The following PIK3AP1 variants were observed in gnomAD, a reference collection of about 807,000 sequenced individuals.
The protein encoded by PIK3AP1 is phosphoinositide-3-kinase adaptor protein 1.
Under a neutral mutation model 88.1 loss-of-function variants are expected in PIK3AP1, and 21 were observed. The observed-to-expected ratio is 0.24, with a 90% CI of 0.17 to 0.34. The LOEUF is 0.34. Ranked by LOEUF, PIK3AP1 falls within the 10% of genes least tolerant of loss-of-function variation. PIK3AP1 has a pLI of 1.00. For missense variants in PIK3AP1, 828 were observed against 1,035.7 expected, an observed-to-expected ratio of 0.80 and a Z score of 2.75; for synonymous variants, 398 against 400.0, an observed-to-expected ratio of 1.00 and a Z score of 0.06.
At chr10:96,706,258 T>G (rs1261522800) in intron 2 of PIK3AP1, among the ~76,000 whole-genome samples, 1 of 152,204 alleles carries the variant, frequency 6.6e-6, no homozygotes, top group Non-Finnish European at 1.5e-5. Flanking sequence ...ACAAGTTTCA[T>G]GTACTTATTT....
At chr10:96,687,257 A>AC in intron 2 of PIK3AP1, among the ~76,000 whole-genome samples, 1 of 41,926 alleles carries the variant, frequency 2.4e-5, no homozygotes, top group South Asian at 8.9e-4. Flanking sequence ...CTCCATCTCA[A>AC]AAAAAAAAAA....
intron 8 of PIK3AP1, among the ~76,000 whole-genome samples, chr10:96,641,616 G>A (rs537781660): frequency 6.6e-6 from 1 of 152,290 alleles, no homozygotes; most frequent in Admixed American, 6.5e-5. Flanking sequence ...CCCTAGAAGG[G>A]CAGGCCAGGA....
intron 8 of PIK3AP1, among the ~76,000 whole-genome samples, chr10:96,635,070 T>C (rs147111005): frequency 7.9e-4 from 121 of 152,346 alleles, no homozygotes; most frequent in African/African-American, 2.6e-3. Flanking sequence ...TATATTGGGC[T>C]CACCAAGGTG....
At chr10:96,595,677 A>G in intron 16 of PIK3AP1, 43 bp from the exon 17 acceptor site, 1 of 1,591,056 alleles carries the variant, frequency 6.3e-7, no homozygotes, top group Non-Finnish European at 8.6e-7. Flanking sequence ...AACTAATTTG[A>G]TTAAACAGTT....
rs1296073219 is a variant in PIK3AP1 at position 96,597,267 on chromosome 10, TTTCTTTCC to T, written c.2361-1641_2361-1634del. Among the ~76,000 whole-genome samples the T allele has an allele frequency of 1.9e-3, 232 of 122,184 alleles. 1 individual carries two copies. Among genetic ancestry groups the T allele is most frequent in the African/African-American group, 3.7e-3 (121 of 32,278 alleles). 80.2% of individuals were successfully genotyped at this position (122,184 alleles called of 152,430 possible). ...TCTGCCTTCTTTTTTTCTTTCTTTC[TTTCTTTCC>T]TTCCTTCCTTCCTTCCTTCCTTCCT... On this transcript the variant is annotated intron_variant, in intron 16 of 16. Transcript: ENST00000339364.
chr10:96,653,839 T>A (rs1843578054), intron 3 of PIK3AP1, among the ~76,000 whole-genome samples: 1 of 152,244 alleles, frequency 6.6e-6, no homozygotes, highest in African/African-American at 2.4e-5. Flanking sequence ...TGCATTGTTT[T>A]TAATGAAATC....
intron 2 of PIK3AP1, among the ~76,000 whole-genome samples, chr10:96,702,652 G>C (rs1426066119): frequency 6.3e-5 from 9 of 142,890 alleles, no homozygotes; most frequent in Admixed American, 6.3e-4. Context: ...ACACACAATG[G>C]TAACTATGTG....
At chr10:96,714,365 G>A (rs923349233) in intron 1 of PIK3AP1, among the ~76,000 whole-genome samples, 4 of 152,180 alleles carry the variant, frequency 2.6e-5, no homozygotes, top group African/African-American at 7.2e-5. Flanking sequence ...ATTAAAACTC[G>A]TTGAAGATTT....
chr10:96,618,987 C>G (rs906377938), intron 12 of PIK3AP1, among the ~76,000 whole-genome samples: 3 of 152,286 alleles, frequency 2.0e-5, no homozygotes, highest in Admixed American at 2.0e-4. Context: ...GAGCAGGTGC[C>G]CCTGTCTTAA....
rs1221420016 is a variant in PIK3AP1 at position 96,720,450 on chromosome 10, G to C, written c.-56C>G. 4.1e-6 allele frequency: 5 copies of C among 1,217,892 alleles called. No homozygotes were observed. Among genetic ancestry groups the C allele is most frequent in the Non-Finnish European group, 5.1e-6 (5 of 977,164 alleles). 75.4% of individuals were successfully genotyped at this position (1,217,892 alleles called of 1,614,324 possible). On this transcript the variant is annotated 5_prime_UTR_variant, in exon 1 of 17. Coordinates refer to ENST00000339364, the MANE Select transcript of PIK3AP1 (RefSeq NM_152309.3). The surrounding 1 kb of genome is among the most constrained non-coding windows in gnomAD (Gnocchi z 4.6). The stretch of plus-strand genomic sequence containing the variant: ...GCTGCGTGCCCGGGGCCGGGACCGG[G>C]GCCGGCGGCGTCCTGGCTCGGGCTG...
chr10:96,700,405 A>C (rs2134282731), intron 2 of PIK3AP1, among the ~76,000 whole-genome samples: 1 of 152,282 alleles, frequency 6.6e-6, no homozygotes, highest in East Asian at 1.9e-4. Context: ...GCAGTGACCC[A>C]CAGTTAGGAG....
intron 15 of PIK3AP1, among the ~76,000 whole-genome samples, chr10:96,603,094 T>TTC (rs1410913016): frequency 3.3e-5 from 5 of 152,164 alleles, no homozygotes; most frequent in South Asian, 2.1e-4. Flanking sequence ...AGATGCCCCT[T>TTC]AAGGTTTCAC....
At chr10:96,632,199 C>T (rs143999005) in intron 8 of PIK3AP1, among the ~76,000 whole-genome samples, 166 of 152,064 alleles carry the variant, frequency 1.1e-3, no homozygotes, top group Middle Eastern at 3.4e-3. Flanking sequence ...GAAAGGAGCA[C>T]GGAACAGAAA....
At chr10:96,630,524 C>T (rs1453539061) in intron 8 of PIK3AP1, among the ~76,000 whole-genome samples, 1 of 152,072 alleles carries the variant, frequency 6.6e-6, no homozygotes, top group Non-Finnish European at 1.5e-5. Flanking sequence ...TTTCACGGAA[C>T]ATTTTCCTCA....
chr10:96,602,671 G>C (rs866302108), intron 15 of PIK3AP1, among the ~76,000 whole-genome samples: 20 of 152,280 alleles, frequency 1.3e-4, no homozygotes, highest in Middle Eastern at 6.8e-3. Context: ...GTCAGCATCA[G>C]CATCAGGTGG....
intron 2 of PIK3AP1, among the ~76,000 whole-genome samples, chr10:96,681,588 T>C (rs1302309566): frequency 3.3e-5 from 5 of 152,156 alleles, no homozygotes; most frequent in African/African-American, 1.2e-4. Flanking sequence ...TCTGGAAACT[T>C]GGGCCCAAAA....
At chr10:96,640,905 C>T (rs1404686195) in intron 8 of PIK3AP1, among the ~76,000 whole-genome samples, 1 of 152,152 alleles carries the variant, frequency 6.6e-6, no homozygotes, top group Admixed American at 6.5e-5. Flanking sequence ...TCAAGCAATC[C>T]TCCCGCCTCA....
chr10:96,681,967 A>G (rs936321513), intron 2 of PIK3AP1, among the ~76,000 whole-genome samples: 3 of 148,924 alleles, frequency 2.0e-5, no homozygotes, highest in African/African-American at 7.5e-5. Flanking sequence ...GACTTTAAAA[A>G]ATATGCATAC....
chr10:96,707,850 T>C (rs975070071), intron 2 of PIK3AP1, among the ~76,000 whole-genome samples: 3 of 152,220 alleles, frequency 2.0e-5, no homozygotes, highest in Non-Finnish European at 2.9e-5. Context: ...TCATTGTCTT[T>C]CTAACGTAAA....
Sources: gnomAD v4.1 joint callset for allele counts (sites outside exome capture counted in the v4.1 genomes callset) on GRCh38, gnomAD v4.1.1 for gene constraint, Gnocchi (gnomAD v3.1) non-coding constraint, MANE v1.5 for transcripts, NCBI Gene and HGNC (gene_info 2026-07-23, HGNC 2026-07-21) for gene names.